The following UGGT2 variants were observed in gnomAD, a reference collection of about 807,000 sequenced individuals.
UGGT2 encodes UDP-glucose:glycoprotein glucosyltransferase 2.
A neutral mutation model predicts 192.1 loss-of-function variants in UGGT2; 180 were observed. The observed-to-expected ratio is 0.94, with a 90% CI of 0.83 to 1.06. The LOEUF (loss-of-function observed/expected upper bound fraction) is 1.06, where lower values mean the gene tolerates loss of function less well. Among genes scored for constraint, UGGT2 ranks in the 50% least tolerant of loss-of-function variants. The pLI is 0.00. For synonymous variants in UGGT2, 580 were observed against 591.0 expected, an observed-to-expected ratio of 0.98 and a Z score of 0.27; for missense variants, 1,849 against 1,795.7, an observed-to-expected ratio of 1.03 and a Z score of -0.54.
chr13:95,933,345 C>T (rs1230364832), intron 17 of UGGT2, among the ~76,000 whole-genome samples: 1 of 152,104 alleles, frequency 6.6e-6, no homozygotes, highest in Non-Finnish European at 1.5e-5. Flanking sequence ...TCTAGATTTT[C>T]CAGTTTGTAT....
At chr13:95,931,474 G>A (rs934128602) in intron 17 of UGGT2, among the ~76,000 whole-genome samples, 10 of 151,556 alleles carry the variant, frequency 6.6e-5, no homozygotes, top group East Asian at 2.0e-4. Context: ...GGGACTGGGC[G>A]CCGCGGAGCA....
At position 95,887,945 on chromosome 13, in the gene UGGT2, C is replaced by A; in HGVS notation, c.2985G>T (p.Lys995Asn). ...CCCTACAGTTCATGAACAACTTTAT[C>A]TTCATGTTGATAATCTTGCCAAGTA... ...LVVLGKIINMKIKLFMNCRGR... is the reference protein window; with the variant it reads ...LVVLGKIINMNIKLFMNCRGR... Residue 995 changes from lysine to asparagine, a missense_variant, in exon 26 of 39, where the codon AAG becomes AAT. Lys to Asn is a moderately conservative substitution (Grantham distance 94). Coordinates refer to ENST00000376747, the MANE Select transcript of UGGT2 (RefSeq NM_020121.4). 1 of 1,603,830 alleles carries A rather than the reference C, an allele frequency of 6.2e-7. No individual in the cohort carries two copies. The highest frequency in any genetic ancestry group is 8.5e-7 in the Non-Finnish European group (1 of 1,174,516).
intron 27 of UGGT2, among the ~76,000 whole-genome samples, chr13:95,880,897 G>A (rs992277953): frequency 3.3e-5 from 5 of 152,116 alleles, no homozygotes; most frequent in African/African-American, 9.7e-5. Flanking sequence ...AAACATGGCC[G>A]AGTGCAGTGG....
chr13:95,975,072 C>A (rs564604738), intron 10 of UGGT2, among the ~76,000 whole-genome samples: 1 of 152,194 alleles, frequency 6.6e-6, no homozygotes, highest in Non-Finnish European at 1.5e-5. Flanking sequence ...TAGAGCGATA[C>A]TCTGTCTCAA....
intron 1 of UGGT2, among the ~76,000 whole-genome samples, chr13:96,043,795 G>T (rs950174580): frequency 6.6e-6 from 1 of 152,036 alleles, no homozygotes; most frequent in Non-Finnish European, 1.5e-5. Flanking sequence ...ATGATAAAAG[G>T]CCTTGTCCAA....
intron 36 of UGGT2, among the ~76,000 whole-genome samples, chr13:95,837,802 A>G (rs1887470827): frequency 6.6e-6 from 1 of 152,136 alleles, no homozygotes; most frequent in South Asian, 2.1e-4. Flanking sequence ...TCCTTTCCCT[A>G]TAGAAGATCT....
chr13:95,986,222 A>G, intron 9 of UGGT2, 111 bp downstream of exon 9: 2 of 728,200 alleles, frequency 2.7e-6, no homozygotes, highest in South Asian at 3.5e-5. Context: ...CAAAAGCTAT[A>G]TATACTAGAA....
intron 15 of UGGT2, among the ~76,000 whole-genome samples, chr13:95,941,982 T>G (rs1210063359): frequency 6.6e-6 from 1 of 152,238 alleles, no homozygotes; most frequent in African/African-American, 2.4e-5. Flanking sequence ...TAGTTTTGTT[T>G]GCTTCTGAGC....
intron 36 of UGGT2, among the ~76,000 whole-genome samples, chr13:95,847,505 C>T (rs1888590130): frequency 6.6e-6 from 1 of 152,130 alleles, no homozygotes; most frequent in African/African-American, 2.4e-5. Context: ...TTTATACTGT[C>T]TCCATAGTTT....
intron 24 of UGGT2, among the ~76,000 whole-genome samples, chr13:95,893,641 C>T (rs1438504619): frequency 6.6e-6 from 1 of 152,088 alleles, no homozygotes; most frequent in South Asian, 2.1e-4. Flanking sequence ...ATTATTATCT[C>T]CCTTGATAGG....
At chr13:95,952,357 T>C (rs1041271095) in intron 12 of UGGT2, among the ~76,000 whole-genome samples, 1 of 152,136 alleles carries the variant, frequency 6.6e-6, no homozygotes, top group South Asian at 2.1e-4. Flanking sequence ...TGTAGGGGGA[T>C]AGGTTCCAGG....
chr13:96,024,264 T>C (rs2052600696), intron 2 of UGGT2, among the ~76,000 whole-genome samples: 1 of 152,182 alleles, frequency 6.6e-6, no homozygotes, highest in African/African-American at 2.4e-5. Flanking sequence ...TGTCATCTTG[T>C]CTGGAACTTG....
intron 38 of UGGT2, among the ~76,000 whole-genome samples, chr13:95,813,359 A>C (rs982557477): frequency 6.6e-6 from 1 of 152,226 alleles, no homozygotes; most frequent in Non-Finnish European, 1.5e-5. Flanking sequence ...CATACATGTT[A>C]TGCTTTAACA....
chr13:95,877,434 C>A, intron 28 of UGGT2, 70 bp from the exon 29 acceptor site: 1 of 1,225,096 alleles, frequency 8.2e-7, no homozygotes. Context: ...CATGAATACA[C>A]GAATGATCTA....
At chr13:95,981,315 T>G (rs2051116592) in intron 10 of UGGT2, among the ~76,000 whole-genome samples, 1 of 9,038 alleles carries the variant, frequency 1.1e-4, no homozygotes, top group Non-Finnish European at 7.1e-4. Context: ...ATACAAAAAA[T>G]TAGCCGGGCG....
intron 38 of UGGT2, among the ~76,000 whole-genome samples, chr13:95,807,748 A>ATTTTT (rs1884388582): frequency 1.6e-5 from 1 of 63,722 alleles, no homozygotes; most frequent in Non-Finnish European, 3.6e-5. Context: ...CGTATTCACA[A>ATTTTT]TCTCTTTCAT....
chr13:95,843,859 A>G (rs1263270074), intron 36 of UGGT2, among the ~76,000 whole-genome samples: 1 of 152,146 alleles, frequency 6.6e-6, no homozygotes, highest in Non-Finnish European at 1.5e-5. Flanking sequence ...AACTATTTTG[A>G]CTACAGTAGC....
intron 36 of UGGT2, among the ~76,000 whole-genome samples, chr13:95,840,378 C>T (rs918361951): frequency 2.0e-5 from 3 of 151,992 alleles, no homozygotes; most frequent in Admixed American, 2.0e-4. Context: ...AAAAAGTGGG[C>T]GAAGAATATG....
chr13:95,991,104 T>C (rs112621994), intron 7 of UGGT2: 2,489 of 162,032 alleles, frequency 0.015, 71 homozygotes, highest in African/African-American at 0.057. Flanking sequence ...GTGCCACATT[T>C]TCTTTATCCA....
Sources: allele counts gnomAD v4.1 joint callset (sites outside exome capture counted in the v4.1 genomes callset), GRCh38; gene constraint gnomAD v4.1.1; transcripts MANE v1.5; gene names NCBI Gene and HGNC (gene_info 2026-07-23, HGNC 2026-07-21).